The following RNGTT variants were observed in gnomAD, a reference collection of about 807,000 sequenced individuals.
RNGTT encodes RNA guanylyltransferase and 5'-phosphatase.
Under a neutral mutation model 79.3 loss-of-function variants are expected in RNGTT, and 33 were observed. The observed-to-expected ratio is 0.42, with a 90% confidence interval of 0.32 to 0.56. RNGTT has a LOEUF of 0.56. Ranked by LOEUF, RNGTT falls within the 20% of genes least tolerant of loss-of-function variation. The pLI is 0.17. For synonymous variants in RNGTT, 222 were observed against 235.9 expected (o/e 0.94, Z 0.54); for missense variants, 497 against 739.1 (o/e 0.67, Z 3.80).
intron 1 of RNGTT, among the ~76,000 whole-genome samples, chr6:88,959,483 G>T (rs1785543893): frequency 6.6e-6 from 1 of 151,962 alleles, no homozygotes; most frequent in Admixed American, 6.6e-5. Flanking sequence ...ATGTGCATAA[G>T]CCAGACATTT....
chr6:88,625,654 C>G (rs1207197785), intron 14 of RNGTT, among the ~76,000 whole-genome samples: 1 of 151,618 alleles, frequency 6.6e-6, no homozygotes, highest in African/African-American at 2.4e-5. Context: ...ACTATTTTGT[C>G]TTGATTCTAG....
At position 88,612,822 on chromosome 6, in the gene RNGTT, C is replaced by G; in HGVS notation, c.1691G>C (p.Arg564Thr). 6.2e-7 allele frequency: 1 copy of G among 1,613,792 alleles called. No individual in the cohort carries two copies. Among genetic ancestry groups the G allele is most frequent in the South Asian group, 1.1e-5 (1 of 91,064 alleles). ...CTGTCCTTGAGAAGCTGCAGTACAT[C>G]TGTCGATGAACTCAAACAGCATCTC... ...TKEMLFEFID[R>T]CTAASQGQKR... The change falls in exon 16 of 16, where the codon AGA becomes ACA. Residue 564 changes from arginine (R) to threonine (T), a missense_variant. Physicochemically the swap from Arg to Thr is moderately conservative, Grantham distance 71. This residue lies in a region of RNGTT where 53 missense variants were observed against 50.5 expected (regional missense o/e 1.05). Transcript: ENST00000369485.
intron 13 of RNGTT, among the ~76,000 whole-genome samples, chr6:88,752,939 A>T (rs564590733): frequency 9.9e-4 from 150 of 152,256 alleles, no homozygotes; most frequent in African/African-American, 3.4e-3. Context: ...GTTTCTGATG[A>T]TCCTACAGAT....
At chr6:88,650,265 A>T (rs1773748046) in intron 14 of RNGTT, among the ~76,000 whole-genome samples, 1 of 152,088 alleles carries the variant, frequency 6.6e-6, no homozygotes, top group South Asian at 2.1e-4. Flanking sequence ...ACTTTACTTC[A>T]TTCATTCTTT....
intron 11 of RNGTT, among the ~76,000 whole-genome samples, chr6:88,823,224 C>T (rs1562270555): frequency 6.6e-6 from 1 of 151,940 alleles, no homozygotes; most frequent in African/African-American, 2.4e-5. Context: ...GTCAGGAGTT[C>T]GAGACCAGCC....
Position 88,612,852 on chromosome 6 carries a change from G to C in RNGTT, c.1661C>G (p.Thr554Ser). 6.2e-7 allele frequency: 1 copy of C among 1,613,804 alleles called. No individual in the cohort carries two copies. Among genetic ancestry groups the C allele is most frequent in the Non-Finnish European group, 8.5e-7 (1 of 1,179,926 alleles). Residue 554 changes from threonine (T) to serine (S), a missense_variant, in exon 16 of 16, where the codon ACC becomes AGC. Transcript: ENST00000369485. ...GATGAACTCAAACAGCATCTCCTTG[G>C]TGACAGGGTTTGAGATGCTGTTACA... is the stretch of plus-strand genomic sequence containing the variant. Reference protein sequence around the residue: ...AVCNSISNPVTKEMLFEFIDR... With the variant: ...AVCNSISNPVSKEMLFEFIDR...
In RNGTT at chr6:88,699,249, T is replaced by C. The variant is rs73496440; in HGVS notation, c.1440-20830A>G. ...ACACAAATTTATCAGACTTTCCGAA[T>C]GACTTAAATAGTATGAAACAATAAT... On this transcript the variant is annotated intron_variant, in intron 13 of 15. Transcript: ENST00000369485. Among the ~76,000 whole-genome samples the C allele has an allele frequency of 2.5e-3, 375 of 152,316 alleles. 2 individuals are homozygous for C. The highest frequency in any genetic ancestry group is 8.3e-3 in the African/African-American group (347 of 41,568).
intron 2 of RNGTT, among the ~76,000 whole-genome samples, chr6:88,931,468 CATG>C (rs1784511443): frequency 6.6e-6 from 1 of 152,178 alleles, no homozygotes; most frequent in African/African-American, 2.4e-5. Flanking sequence ...AGGGAGACTT[CATG>C]ATACCAACCT....
rs539913363 is a variant in RNGTT, at chr6:88,870,775, T to C, written c.897-17011A>G. On this transcript the variant is annotated intron_variant, in intron 8 of 15. Coordinates refer to ENST00000369485, the MANE Select transcript of RNGTT (RefSeq NM_003800.5). ...TATGCTTTCAGTAATGCTGTATATATGATCCCACTAATCCTTACTAAATTC... is the reference window on the plus strand; with the variant it reads ...TATGCTTTCAGTAATGCTGTATATACGATCCCACTAATCCTTACTAAATTC... Among the ~76,000 whole-genome samples, 147 of 152,294 alleles carry C rather than the reference T, an allele frequency of 9.7e-4. 1 individual carries two copies. Among genetic ancestry groups the C allele is most frequent in the Non-Finnish European group, 1.5e-3 (105 of 67,992 alleles).
At chr6:88,639,988 T>C (rs1335130152) in intron 14 of RNGTT, among the ~76,000 whole-genome samples, 2 of 152,186 alleles carry the variant, frequency 1.3e-5, no homozygotes, top group Non-Finnish European at 2.9e-5. Flanking sequence ...TGTGACTCAT[T>C]AGACAGGGCT....
chr6:88,767,228 A>G (rs1017457054), intron 13 of RNGTT, among the ~76,000 whole-genome samples: 2 of 152,130 alleles, frequency 1.3e-5, no homozygotes, highest in Non-Finnish European at 2.9e-5. Context: ...AAACATTTGG[A>G]TGAGTTTTAA....
At chr6:88,889,719 A>G (rs1782980578) in intron 8 of RNGTT, among the ~76,000 whole-genome samples, 1 of 152,212 alleles carries the variant, frequency 6.6e-6, no homozygotes, top group South Asian at 2.1e-4. Flanking sequence ...GAAAAAAATA[A>G]AATGTTGCTG....
intron 8 of RNGTT, among the ~76,000 whole-genome samples, chr6:88,881,630 A>G (rs1229754296): frequency 2.0e-5 from 3 of 152,202 alleles, no homozygotes; most frequent in Admixed American, 2.0e-4. Context: ...ACAGGCAGGC[A>G]GGCAGACACT....
intron 14 of RNGTT, among the ~76,000 whole-genome samples, chr6:88,640,855 T>G (rs537015442): frequency 2.0e-5 from 3 of 152,164 alleles, no homozygotes; most frequent in Non-Finnish European, 4.4e-5. Flanking sequence ...AAATAAAAAT[T>G]TGGATAAGGT....
At chr6:88,716,863 T>C (rs1310455006) in intron 13 of RNGTT, among the ~76,000 whole-genome samples, 2 of 152,162 alleles carry the variant, frequency 1.3e-5, no homozygotes, top group Admixed American at 6.5e-5. Flanking sequence ...ATATACCTAA[T>C]GTTAAATGAC....
At chr6:88,885,391 T>C (rs1421399323) in intron 8 of RNGTT, among the ~76,000 whole-genome samples, 1 of 152,080 alleles carries the variant, frequency 6.6e-6, no homozygotes, top group Non-Finnish European at 1.5e-5. Flanking sequence ...AACGGTCAAA[T>C]GAGACATTTG....
intron 11 of RNGTT, among the ~76,000 whole-genome samples, chr6:88,822,335 C>A (rs1401605868): frequency 3.9e-5 from 6 of 152,046 alleles, no homozygotes; most frequent in Non-Finnish European, 8.8e-5. Context: ...AAATATATGT[C>A]CAACACCAAT....
At chr6:88,885,507 G>A (rs528789758) in intron 8 of RNGTT, among the ~76,000 whole-genome samples, 1 of 152,258 alleles carries the variant, frequency 6.6e-6, no homozygotes, top group South Asian at 2.1e-4. Flanking sequence ...AAAGAAATGA[G>A]AAAGAAGGGA....
At chr6:88,658,324 A>G (rs1471371444) in intron 14 of RNGTT, among the ~76,000 whole-genome samples, 1 of 152,148 alleles carries the variant, frequency 6.6e-6, no homozygotes, top group African/African-American at 2.4e-5. Context: ...ACAACAACCA[A>G]TGATTCCTAC....
Sources: allele counts gnomAD v4.1 joint callset (sites outside exome capture counted in the v4.1 genomes callset), GRCh38; gene constraint gnomAD v4.1.1; regional missense constraint gnomAD v4.1.1; transcripts MANE v1.5; gene names NCBI Gene and HGNC (gene_info 2026-07-23, HGNC 2026-07-21).